The following C16orf87 variants were observed in gnomAD, a reference collection of about 807,000 sequenced individuals.
C16orf87 encodes the protein UPF0547 protein C16orf87.
Under a neutral mutation model 21.0 loss-of-function variants are expected in C16orf87, and 13 were observed. That is an observed-to-expected ratio of 0.62 (90% confidence interval 0.40 to 0.98). The LOEUF (loss-of-function observed/expected upper bound fraction) is 0.98, where lower values mean the gene tolerates loss of function less well. Ranked by LOEUF, C16orf87 falls within the 50% of genes least tolerant of loss-of-function variation. C16orf87 has a pLI of 0.00. For synonymous variants in C16orf87, 49 were observed against 60.2 expected (o/e 0.81, Z 0.86); for missense variants, 113 against 180.4 (o/e 0.63, Z 2.14).
At chr16:46,809,277 AC>A (rs994534538) in intron 3 of C16orf87, among the ~76,000 whole-genome samples, 3 of 151,048 alleles carry the variant, frequency 2.0e-5, no homozygotes, top group Non-Finnish European at 2.9e-5. Flanking sequence ...ACAGAACAAC[AC>A]GCTGTCTCAA....
intron 2 of C16orf87, among the ~76,000 whole-genome samples, chr16:46,813,038 G>T (rs1220405917): frequency 6.6e-6 from 1 of 152,178 alleles, no homozygotes; most frequent in African/African-American, 2.4e-5. Flanking sequence ...CAAGGCCCCA[G>T]GATTCTGTCC....
intron 1 of C16orf87, among the ~76,000 whole-genome samples, chr16:46,828,179 C>T (rs1350025807): frequency 6.6e-6 from 1 of 152,062 alleles, no homozygotes; most frequent in Non-Finnish European, 1.5e-5. Context: ...CCACCTGCCT[C>T]GGCCTCCCAA....
At chr16:46,822,864 C>A (rs542559545) in intron 2 of C16orf87, among the ~76,000 whole-genome samples, 2 of 152,154 alleles carry the variant, frequency 1.3e-5, no homozygotes, top group Non-Finnish European at 2.9e-5. Flanking sequence ...TTTCTCCTCA[C>A]AGTTTACAAA....
At chr16:46,827,945 CT>C (rs938057640) in intron 1 of C16orf87, among the ~76,000 whole-genome samples, 41 of 134,696 alleles carry the variant, frequency 3.0e-4, no homozygotes, top group Admixed American at 3.8e-4. Flanking sequence ...GATTTTTTTA[CT>C]TTTTTTTTTT....
chr16:46,810,716 T>C (rs947250920), intron 2 of C16orf87, among the ~76,000 whole-genome samples: 4 of 152,146 alleles, frequency 2.6e-5, no homozygotes, highest in African/African-American at 9.7e-5. Flanking sequence ...CACCATATCC[T>C]TGGAGAATTA....
intron 2 of C16orf87, among the ~76,000 whole-genome samples, chr16:46,824,025 A>C (rs1959521720): frequency 6.6e-6 from 1 of 152,228 alleles, no homozygotes; most frequent in Admixed American, 6.5e-5. Flanking sequence ...GTCAAAACTT[A>C]TCAAACTGTG....
chr16:46,809,266 G>A (rs187509637), intron 3 of C16orf87, among the ~76,000 whole-genome samples: 3 of 150,558 alleles, frequency 2.0e-5, no homozygotes, highest in Non-Finnish European at 4.4e-5. Flanking sequence ...CAGCCTGGGT[G>A]ACAGAACAAC....
chr16:46,823,053 T>C (rs1452532606), intron 2 of C16orf87, among the ~76,000 whole-genome samples: 2 of 152,240 alleles, frequency 1.3e-5, no homozygotes, highest in Non-Finnish European at 2.9e-5. Context: ...CACTTGCTAT[T>C]TCCATCTGTC....
Position 46,800,605 on chromosome 16 carries a change from T to C in C16orf87, c.*2347A>G, listed in dbSNP as rs758418039. 6.6e-6 allele frequency: 1 copy of C among 152,178 alleles called. No homozygotes were observed. Among genetic ancestry groups the C allele is most frequent in the Admixed American group, 6.5e-5 (1 of 15,282 alleles). The allele number at this position is 152,178 out of a possible 1,614,324, so 9.4% of individuals were successfully genotyped here. A position where few individuals can be genotyped will look rare whatever the true frequency, so the allele number is the denominator to read the frequency against. The stretch of plus-strand genomic sequence containing the variant: ...TTTCAAGGTATTTTGAATAATCATA[T>C]CATTTATAGATATCAGAGCAGAACA... On this transcript the variant is annotated 3_prime_UTR_variant, in exon 4 of 4. Transcript: ENST00000285697.
intron 2 of C16orf87, among the ~76,000 whole-genome samples, chr16:46,815,544 C>T (rs987625898): frequency 5.9e-5 from 9 of 151,844 alleles, no homozygotes; most frequent in African/African-American, 1.9e-4. Flanking sequence ...AAGTCAACAA[C>T]AACAACAAAA....
chr16:46,827,970 T>C (rs191938843), intron 1 of C16orf87, among the ~76,000 whole-genome samples: 2,379 of 151,210 alleles, frequency 0.016, 64 homozygotes, highest in African/African-American at 0.053. Context: ...ACGGAGTCTC[T>C]GTCGCCCAGG....
chr16:46,816,611 G>C (rs934729946), intron 2 of C16orf87, among the ~76,000 whole-genome samples: 2 of 152,110 alleles, frequency 1.3e-5, no homozygotes, highest in Non-Finnish European at 2.9e-5. Flanking sequence ...AAAGATCCAA[G>C]AAACCTAATA....
At chr16:46,823,899 G>C (rs1959517163) in intron 2 of C16orf87, among the ~76,000 whole-genome samples, 1 of 152,178 alleles carries the variant, frequency 6.6e-6, no homozygotes. Flanking sequence ...AAGCAGATCT[G>C]TGGTTACCTG....
intron 2 of C16orf87, among the ~76,000 whole-genome samples, chr16:46,816,506 A>G (rs915400947): frequency 2.6e-5 from 4 of 152,218 alleles, no homozygotes; most frequent in African/African-American, 7.2e-5. Context: ...CTTGATGACA[A>G]AATTATAGAT....
intron 1 of C16orf87, among the ~76,000 whole-genome samples, chr16:46,830,114 T>C (rs752237925): frequency 6.6e-6 from 1 of 152,162 alleles, no homozygotes; most frequent in Non-Finnish European, 1.5e-5. Context: ...GAATGTCTAT[T>C]ATTCCAGTAA....
chr16:46,823,592 C>T (rs1044125708), intron 2 of C16orf87, among the ~76,000 whole-genome samples: 15 of 151,918 alleles, frequency 9.9e-5, no homozygotes, highest in African/African-American at 1.5e-4. Flanking sequence ...TGTCTAAAAA[C>T]GTTTTTCATA....
At chr16:46,813,707 A>G (rs1468851785) in intron 2 of C16orf87, among the ~76,000 whole-genome samples, 3 of 152,250 alleles carry the variant, frequency 2.0e-5, no homozygotes, top group Middle Eastern at 3.4e-3. Context: ...GAGTCTATGT[A>G]TACGCTAATC....
At chr16:46,825,828 C>T (rs761255823) in intron 1 of C16orf87, among the ~76,000 whole-genome samples, 5 of 151,088 alleles carry the variant, frequency 3.3e-5, no homozygotes, top group East Asian at 3.9e-4. Context: ...GCAGGAGAAT[C>T]GCTTGAACCT....
intron 1 of C16orf87, among the ~76,000 whole-genome samples, chr16:46,829,292 T>C (rs1219340426): frequency 6.6e-6 from 1 of 152,142 alleles, no homozygotes; most frequent in Admixed American, 6.6e-5. Flanking sequence ...GCTGATTTTA[T>C]ATGAAAGAAT....
Sources: gnomAD v4.1 joint callset for allele counts (sites outside exome capture counted in the v4.1 genomes callset) on GRCh38, gnomAD v4.1.1 for gene constraint, MANE v1.5 for transcripts, NCBI Gene and HGNC (gene_info 2026-07-23, HGNC 2026-07-21) for gene names.